The following OSBPL3 variants were observed in gnomAD, a reference collection of about 807,000 sequenced individuals.
OSBPL3 encodes oxysterol-binding protein-related protein 3.
A neutral mutation model predicts 120.1 loss-of-function variants in OSBPL3; 65 were observed. The observed-to-expected ratio is 0.54, with a 90% CI of 0.44 to 0.67. The LOEUF (loss-of-function observed/expected upper bound fraction) is 0.67. Among genes scored for constraint, OSBPL3 ranks in the 30% least tolerant of loss-of-function variants. OSBPL3 has a pLI of 0.00. For synonymous variants in OSBPL3, 416 were observed against 402.6 expected (o/e 1.03, Z -0.40); for missense variants, 1,004 against 1,082.1 (o/e 0.93, Z 1.01).
intron 1 of OSBPL3, among the ~76,000 whole-genome samples, chr7:24,944,624 C>A (rs1266581940): frequency 8.3e-4 from 109 of 131,826 alleles, no homozygotes; most frequent in Non-Finnish European, 7.6e-4. Context: ...AGCGAGACTC[C>A]AAAAAAAAAA....
At position 24,851,828 on chromosome 7, in the gene OSBPL3, G is replaced by GA. The variant is rs1462923053; in HGVS notation, c.1158+675dup. Among the ~76,000 whole-genome samples, 1 of 152,044 alleles carries GA rather than the reference G, an allele frequency of 6.6e-6. No individual in the cohort carries two copies. Among genetic ancestry groups the GA allele is most frequent in the East Asian group, 1.9e-4 (1 of 5,192 alleles). On this transcript the variant is annotated intron_variant, in intron 11 of 22. Coordinates refer to ENST00000313367, the MANE Select transcript of OSBPL3 (RefSeq NM_015550.4). This position sits in a 1 kb window ranked among gnomAD's most constrained non-coding sequence, Gnocchi z 4.1. ...TTCTGAGGAATTAATTGAAACTGAT[G>GA]AAAAAAGGAGAGAGAATGAGTGACA...
At chr7:24,842,491 C>T in intron 12 of OSBPL3, 78 bp from the exon 13 acceptor site, 3 of 1,145,402 alleles carry the variant, frequency 2.6e-6, no homozygotes, top group Non-Finnish European at 2.5e-6. Context: ...TTTAGTTGTA[C>T]AATACACAAG....
At chr7:24,957,355 TTATCAAGCCCTCAA>T (rs1332473509) in intron 1 of OSBPL3, among the ~76,000 whole-genome samples, 2 of 152,200 alleles carry the variant, frequency 1.3e-5, no homozygotes, top group Non-Finnish European at 2.9e-5. Flanking sequence ...AAGCAAAAAC[TTATCAAGCCCTCAA>T]TTACTTCTTT....
intron 1 of OSBPL3, among the ~76,000 whole-genome samples, chr7:24,915,848 T>A (rs956467044): frequency 2.0e-5 from 3 of 152,226 alleles, no homozygotes; most frequent in African/African-American, 4.8e-5. Context: ...GTGCTAGGAT[T>A]ACAGGCGTGA....
In OSBPL3 at chr7:24,921,423, T is replaced by C. The variant is rs28750135; in HGVS notation, c.-149-28802A>G. On this transcript the variant is annotated intron_variant, in intron 1 of 22. Transcript: ENST00000313367. ...ACTTTTGAGGCTGAGTTCCAAAAGG[T>C]AATTGTAAATCACCTCTTTGACACT... Among the ~76,000 whole-genome samples, 1,213 of 152,226 alleles carry C rather than the reference T, an allele frequency of 8.0e-3. 18 individuals carry two copies. Among genetic ancestry groups the C allele is most frequent in the African/African-American group, 0.028 (1,161 of 41,524 alleles).
At chr7:24,825,640 T>C (rs189038112) in intron 16 of OSBPL3, among the ~76,000 whole-genome samples, 2 of 152,356 alleles carry the variant, frequency 1.3e-5, no homozygotes, top group Admixed American at 6.5e-5. Context: ...TTTGACAGTA[T>C]CTTTACTTAT....
At position 24,849,291 on chromosome 7, in the gene OSBPL3, G is replaced by A. The variant is rs932461329; in HGVS notation, c.1159-115C>T. 1.1e-5 allele frequency: 8 copies of A among 706,556 alleles called. No homozygotes were observed. The highest frequency in any genetic ancestry group is 1.9e-5 in the Non-Finnish European group (8 of 416,396). The allele number at this position is 706,556 out of a possible 1,614,324, so 43.8% of individuals were successfully genotyped here. On this transcript the variant is annotated intron_variant, in intron 11 of 22. Transcript: ENST00000313367. The surrounding 1 kb of genome is among the most constrained non-coding windows in gnomAD (Gnocchi z 5.4). Reference sequence around the variant, plus strand: ...GCTTGATGAAACTCTTAGTGACGTGGTCTGACAGCGCACTTTCTGGACTTT... The same window carrying A: ...GCTTGATGAAACTCTTAGTGACGTGATCTGACAGCGCACTTTCTGGACTTT...
Position 24,815,274 on chromosome 7 carries a change from CT to C in OSBPL3, c.2028-72del. ...GCAGCAAATGCAAACAAACTCTGCT[CT>C]TTTATAAAATAAGTCATGCAATGCA... On this transcript the variant is annotated intron_variant, in intron 18 of 22. Transcript: ENST00000313367. This position sits in a 1 kb window ranked among gnomAD's most constrained non-coding sequence, Gnocchi z 5.1. 1.6e-6 allele frequency: 2 copies of C among 1,256,156 alleles called. No individual in the cohort carries two copies. Among genetic ancestry groups the C allele is most frequent in the Non-Finnish European group, 2.3e-6 (2 of 871,318 alleles). 77.8% of individuals were successfully genotyped at this position (1,256,156 alleles called of 1,614,324 possible).
intron 19 of OSBPL3, among the ~76,000 whole-genome samples, chr7:24,812,772 C>T (rs1037858258): frequency 9.9e-5 from 15 of 152,000 alleles, no homozygotes; most frequent in Admixed American, 2.6e-4. Context: ...TGGTGGGGCA[C>T]GGAAGTGTCT....
Position 24,832,511 on chromosome 7 carries a change from AAG to A in OSBPL3, c.1747-1608_1747-1607del, listed in dbSNP as rs1203087303. Among the ~76,000 whole-genome samples the A allele has an allele frequency of 1.7e-4, 24 of 141,012 alleles. 2 individuals carry two copies. Among genetic ancestry groups the A allele is most frequent in the Admixed American group, 2.1e-4 (3 of 14,234 alleles). The allele number at this position is 141,012 out of a possible 152,430, so 92.5% of individuals were successfully genotyped here. A position where few individuals can be genotyped will look rare whatever the true frequency, so the allele number is the denominator to read the frequency against. On this transcript the variant is annotated intron_variant, in intron 15 of 22. Transcript: ENST00000313367. ...GGCGACAGAGAGAGACTCTGCCTCA[AAG>A]AAAAAAAAAAAAAAAAAAGAAGAAG...
chr7:24,891,354 T>C lies in OSBPL3; in HGVS notation c.96+1023A>G, dbSNP rs981333474. On this transcript the variant is annotated intron_variant, in intron 2 of 22. Coordinates refer to ENST00000313367, the MANE Select transcript of OSBPL3 (RefSeq NM_015550.4). This position sits in a 1 kb window ranked among gnomAD's most constrained non-coding sequence, Gnocchi z 4.1. ...TTTCCTGGAATCACAGATTCATGGGTGGCAAAGCTCCTTATCCCAGGCAAC... is the reference window on the plus strand; with the variant it reads ...TTTCCTGGAATCACAGATTCATGGGCGGCAAAGCTCCTTATCCCAGGCAAC... Among the ~76,000 whole-genome samples, 24 of 152,164 alleles carry C rather than the reference T, an allele frequency of 1.6e-4. No homozygotes were observed. Among genetic ancestry groups the C allele is most frequent in the African/African-American group, 5.5e-4 (23 of 41,446 alleles).
intron 1 of OSBPL3, among the ~76,000 whole-genome samples, chr7:24,944,791 A>G (rs1326502000): frequency 1.3e-5 from 2 of 152,234 alleles, no homozygotes; most frequent in African/African-American, 4.8e-5. Flanking sequence ...TATCTAGCAA[A>G]GTACATAACT....
chr7:24,801,436 G>A (rs1383319197), intron 22 of OSBPL3, among the ~76,000 whole-genome samples: 3 of 152,108 alleles, frequency 2.0e-5, no homozygotes, highest in Non-Finnish European at 2.9e-5. Context: ...AGGTAGTGAT[G>A]TTATCAGCTT....
intron 12 of OSBPL3, among the ~76,000 whole-genome samples, chr7:24,844,334 A>G (rs777091150): frequency 8.5e-5 from 13 of 152,156 alleles, no homozygotes; most frequent in Non-Finnish European, 4.4e-5. Flanking sequence ...GGCCCAACAC[A>G]AATTTGTAAA....
At chr7:24,812,484 A>G (rs1037406751) in intron 19 of OSBPL3, among the ~76,000 whole-genome samples, 3 of 152,146 alleles carry the variant, frequency 2.0e-5, no homozygotes, top group Admixed American at 6.5e-5. Context: ...AGGCCAGTCC[A>G]GCCCAGAGGA....
At chr7:24,897,049 G>A (rs1806237733) in intron 1 of OSBPL3, among the ~76,000 whole-genome samples, 1 of 151,112 alleles carries the variant, frequency 6.6e-6, no homozygotes, top group African/African-American at 2.4e-5. Flanking sequence ...TCCAGCATGA[G>A]AGGGAAGGAG....
At chr7:24,884,930 T>C (rs1804269334) in intron 2 of OSBPL3, among the ~76,000 whole-genome samples, 2 of 152,134 alleles carry the variant, frequency 1.3e-5, no homozygotes. Flanking sequence ...CTATACTGAA[T>C]ACTGAAATAA....
rs1794677791 is a variant in OSBPL3 at position 24,818,009 on chromosome 7, G to A, written c.1949-1321C>T. On this transcript the variant is annotated intron_variant, in intron 17 of 22. Coordinates refer to ENST00000313367, the MANE Select transcript of OSBPL3 (RefSeq NM_015550.4). This position sits in a 1 kb window ranked among gnomAD's most constrained non-coding sequence, Gnocchi z 4.0. ...TCAGGGTTGAAGCAGGGGGGACAGT[G>A]GGGAGCCCTGGCTGGGGTCCAGGTG... Among the ~76,000 whole-genome samples, 1 of 152,200 alleles carries A rather than the reference G, an allele frequency of 6.6e-6. No individual in the cohort carries two copies. The highest frequency in any genetic ancestry group is 1.5e-5 in the Non-Finnish European group (1 of 68,040).
Position 24,916,956 on chromosome 7 carries a change from C to T in OSBPL3, c.-149-24335G>A, listed in dbSNP as rs1214806726. 6.7e-6 allele frequency among the ~76,000 whole-genome samples: 1 copy of T among 150,158 alleles called. No individual in the cohort carries two copies. Among genetic ancestry groups the T allele is most frequent in the Non-Finnish European group, 1.5e-5 (1 of 67,536 alleles). ...TTTTTAGAAAATTAAATAAATAACT[C>T]CTATTTGATGACTTAGAAGAAGGAA... On this transcript the variant is annotated intron_variant, in intron 1 of 22. Transcript: ENST00000313367. This position sits in a 1 kb window ranked among gnomAD's most constrained non-coding sequence, Gnocchi z 4.9.
Sources: gnomAD v4.1 joint callset for allele counts (sites outside exome capture counted in the v4.1 genomes callset) on GRCh38, gnomAD v4.1.1 for gene constraint, Gnocchi (gnomAD v3.1) non-coding constraint, MANE v1.5 for transcripts, NCBI Gene and HGNC (gene_info 2026-07-23, HGNC 2026-07-21) for gene names.